TXLNB: variants seen among roughly 807,000 people sequenced by gnomAD.
The protein encoded by TXLNB is beta-taxilin.
A neutral mutation model predicts 57.4 loss-of-function variants in TXLNB; 37 were observed. That is an observed-to-expected ratio of 0.64 (90% CI 0.50 to 0.85). TXLNB has a LOEUF of 0.85. TXLNB is among the 40% of genes least tolerant of loss of function. The pLI is 0.00. For synonymous variants in TXLNB, 302 were observed against 309.6 expected, an observed-to-expected ratio of 0.98 and a Z score of 0.26; for missense variants, 848 against 825.6, an observed-to-expected ratio of 1.03 and a Z score of -0.33.
chr6:139,311,779 G>A, the TXLNB span, among the ~76,000 whole-genome samples: 1 of 152,018 alleles, frequency 6.6e-6, no homozygotes, highest in Non-Finnish European at 1.5e-5. Flanking sequence ...AGTCAGTTCC[G>A]GCACAACAGC....
the TXLNB span, among the ~76,000 whole-genome samples, chr6:139,176,467 T>C: frequency 6.6e-6 from 1 of 152,208 alleles, no homozygotes; most frequent in Non-Finnish European, 1.5e-5. This position sits in a 1 kb window ranked among gnomAD's most constrained non-coding sequence, Gnocchi z 4.5. Flanking sequence ...TGCAGGGTGC[T>C]GGGAACTCCA....
the TXLNB span, among the ~76,000 whole-genome samples, chr6:139,207,079 C>T: frequency 6.6e-6 from 1 of 152,108 alleles, no homozygotes. Context: ...ATCATCAAGA[C>T]AGAAAGTCAA....
intron 2 of TXLNB, among the ~76,000 whole-genome samples, chr6:139,287,930 TG>T (rs1777215728): frequency 6.6e-6 from 1 of 152,246 alleles, no homozygotes; most frequent in South Asian, 2.1e-4. Flanking sequence ...TTTATCTTTG[TG>T]CACCTAGCAC....
At chr6:139,166,781 G>A in the TXLNB span, 3 of 1,613,550 alleles carry the variant, frequency 1.9e-6, no homozygotes, top group Admixed American at 1.7e-5. Flanking sequence ...GGCAGTGGGT[G>A]CCGCAGCCTA....
At chr6:139,205,250 C>G in the TXLNB span, among the ~76,000 whole-genome samples, 1 of 152,294 alleles carries the variant, frequency 6.6e-6, no homozygotes, top group South Asian at 2.1e-4. Context: ...GCCTCAGACT[C>G]CTGAGTAACT....
the TXLNB span, chr6:139,178,298 G>GC: frequency 2.6e-5 from 4 of 152,118 alleles, no homozygotes; most frequent in Admixed American, 2.6e-4. Flanking sequence ...CCAAAATACA[G>GC]CCTTTGGTTC....
chr6:139,186,742 CA>C, the TXLNB span, among the ~76,000 whole-genome samples: 3 of 152,116 alleles, frequency 2.0e-5, no homozygotes, highest in Non-Finnish European at 4.4e-5. Context: ...GAAGAATGAA[CA>C]AAATTGCAAT....
At chr6:139,196,619 C>G in the TXLNB span, among the ~76,000 whole-genome samples, 1 of 151,928 alleles carries the variant, frequency 6.6e-6, no homozygotes, top group Admixed American at 6.6e-5. Flanking sequence ...CGGCGATCCA[C>G]CTGCCTCAGC....
chr6:139,278,713 A>G (rs62441203), intron 2 of TXLNB, among the ~76,000 whole-genome samples: 33,282 of 152,196 alleles, frequency 0.22, 3,817 homozygotes, highest in African/African-American at 0.28. Context: ...ATAATAGAAT[A>G]AAACAAAGCT....
chr6:139,175,517 T>G, the TXLNB span, among the ~76,000 whole-genome samples: 1 of 152,182 alleles, frequency 6.6e-6, no homozygotes, highest in Non-Finnish European at 1.5e-5. Context: ...GTGGCTCCCC[T>G]CTGCACACAC....
intron 8 of TXLNB, among the ~76,000 whole-genome samples, 181 bp from the exon 9 acceptor site, chr6:139,244,871 C>CA (rs1776035488): frequency 6.6e-6 from 1 of 152,168 alleles, no homozygotes; most frequent in South Asian, 2.1e-4. Flanking sequence ...CCGTCTAGGG[C>CA]AGTGGCAAGC....
the TXLNB span, among the ~76,000 whole-genome samples, chr6:139,227,396 C>G: frequency 1.3e-5 from 2 of 151,900 alleles, no homozygotes; most frequent in Non-Finnish European, 2.9e-5. Context: ...TATACGCTTC[C>G]AAATGGCTAA....
the TXLNB span, among the ~76,000 whole-genome samples, chr6:139,228,797 G>A: frequency 2.0e-5 from 3 of 152,116 alleles, no homozygotes; most frequent in Middle Eastern, 3.2e-3. Context: ...CCCAGATAAC[G>A]TATGAATAAA....
chr6:139,207,007 G>A, the TXLNB span, among the ~76,000 whole-genome samples: 1 of 152,144 alleles, frequency 6.6e-6, no homozygotes, highest in Admixed American at 6.5e-5. Flanking sequence ...CCTAAGAAAT[G>A]AGATGGATAG....
chr6:139,309,623 C>A, the TXLNB span, among the ~76,000 whole-genome samples: 2 of 152,016 alleles, frequency 1.3e-5, no homozygotes, highest in African/African-American at 4.8e-5. Context: ...CGAAGAGTCT[C>A]GACATGAAAA....
the TXLNB span, among the ~76,000 whole-genome samples, chr6:139,230,912 A>G: frequency 6.6e-6 from 1 of 152,216 alleles, no homozygotes; most frequent in Admixed American, 6.5e-5. Context: ...TTCAGTTCCC[A>G]GCCCCAACAC....
the TXLNB span, among the ~76,000 whole-genome samples, chr6:139,219,722 G>T: frequency 6.6e-6 from 1 of 152,110 alleles, no homozygotes; most frequent in African/African-American, 2.4e-5. Flanking sequence ...TATAACTCTG[G>T]GCTGGAAAAT....
chr6:139,166,923 T>C, the TXLNB span: 1 of 1,614,126 alleles, frequency 6.2e-7, no homozygotes, highest in Non-Finnish European at 8.5e-7. Flanking sequence ...GCCATCCATC[T>C]GGAGCCTCAC....
At chr6:139,213,875 T>C in the TXLNB span, among the ~76,000 whole-genome samples, 1 of 151,948 alleles carries the variant, frequency 6.6e-6, no homozygotes, top group African/African-American at 2.4e-5. Flanking sequence ...CTAGAAAATC[T>C]AGAAGAAATG....
Sources: gnomAD v4.1 joint callset for allele counts (sites outside exome capture counted in the v4.1 genomes callset) on GRCh38, gnomAD v4.1.1 for gene constraint, Gnocchi (gnomAD v3.1) non-coding constraint, MANE v1.5 for transcripts, NCBI Gene and HGNC (gene_info 2026-07-23, HGNC 2026-07-21) for gene names.